The following CFAP54 variants were observed in gnomAD, a reference collection of about 807,000 sequenced individuals.
CFAP54 encodes cilia- and flagella-associated protein 54.
In CFAP54, 290 loss-of-function variants were observed where a neutral mutation model predicts 370.4. That is an observed-to-expected ratio of 0.78 (90% CI 0.71 to 0.86). The LOEUF (loss-of-function observed/expected upper bound fraction) is 0.86. CFAP54 is among the 40% of genes least tolerant of loss of function. CFAP54 has a pLI of 0.00. For synonymous variants in CFAP54, 1,206 were observed against 1,236.5 expected (o/e 0.98, Z 0.52); for missense variants, 3,399 against 3,528.7 (o/e 0.96, Z 0.93).
At chr12:96,752,823 G>A (rs1958203606) in intron 55 of CFAP54, among the ~76,000 whole-genome samples, 1 of 152,194 alleles carries the variant, frequency 6.6e-6, no homozygotes, top group African/African-American at 2.4e-5. Context: ...ATAGTGCAAT[G>A]TTGTAGTTTA....
intron 64 of CFAP54, among the ~76,000 whole-genome samples, chr12:96,816,425 T>C (rs1958975331): frequency 6.6e-6 from 1 of 152,244 alleles, no homozygotes; most frequent in African/African-American, 2.4e-5. Flanking sequence ...AAGTAAACTT[T>C]AACAACAAAT....
chr12:96,594,367 C>G lies in CFAP54; in HGVS notation c.3437C>G (p.Ala1146Gly). Residue 1146 changes from alanine to glycine, a missense_variant, in exon 25 of 68, where the codon GCC becomes GGC. Ala to Gly is a moderately conservative substitution (Grantham distance 60). Around this residue, in one of 3 missense-constraint regions of CFAP54, gnomAD observed 2,796 missense variants for 2,869.7 expected, o/e 0.97. Transcript: ENST00000524981. ...LSNFLNDSSY[A>G]LQAVTQCYGL... Reference sequence around the variant, plus strand: ...AACTTCCTAAATGATTCCAGCTATGCCCTTCAAGCTGTGACTCAATGTTAT... The same window carrying G: ...AACTTCCTAAATGATTCCAGCTATGGCCTTCAAGCTGTGACTCAATGTTAT... 6.5e-7 allele frequency: 1 copy of G among 1,533,758 alleles called. No individual in the cohort carries two copies. The highest frequency in any genetic ancestry group is 8.7e-7 in the Non-Finnish European group (1 of 1,144,996).
At chr12:96,701,367 A>C (rs1169709791) in intron 46 of CFAP54, among the ~76,000 whole-genome samples, 1 of 152,124 alleles carries the variant, frequency 6.6e-6, no homozygotes, top group Non-Finnish European at 1.5e-5. Flanking sequence ...TAGTTAAAAA[A>C]ATATTTTTTG....
chr12:96,540,935 T>G lies in CFAP54; in HGVS notation c.2025T>G (p.Ser675Arg). 6.6e-7 allele frequency: 1 copy of G among 1,520,076 alleles called. No homozygotes were observed. Among genetic ancestry groups the G allele is most frequent in the African/African-American group, 1.4e-5 (1 of 72,570 alleles). The allele number at this position is 1,520,076 out of a possible 1,614,324, so 94.2% of individuals were successfully genotyped here. The change falls in exon 14 of 68, where the codon AGT becomes AGG. Residue 675 changes from serine to arginine, a missense_variant. Ser to Arg is a moderately radical substitution (Grantham distance 110). Transcript: ENST00000524981. ...VVVAEVTLRL[S>R]EILESLGSPG... ...TGGCAGAAGTCACATTACGGTTAAG[T>G]GAAATATTGGAATCTTTAGGAAGCC...
intron 15 of CFAP54, among the ~76,000 whole-genome samples, chr12:96,553,127 C>A (rs550263146): frequency 3.3e-5 from 5 of 152,132 alleles, no homozygotes; most frequent in Non-Finnish European, 7.4e-5. Context: ...CCTATCTTGG[C>A]TCTTTCATGC....
chr12:96,750,090 A>AGGTCCTG (rs1374014615), intron 55 of CFAP54, among the ~76,000 whole-genome samples: 137 of 152,372 alleles, frequency 9.0e-4, no homozygotes, highest in African/African-American at 3.0e-3. Context: ...TGGAAAACCA[A>AGGTCCTG]GAAGGCAGCC....
At chr12:96,512,325 A>ATATATATATATATATATG (rs1955180480) in intron 4 of CFAP54, among the ~76,000 whole-genome samples, 2 of 34,946 alleles carry the variant, frequency 5.7e-5, no homozygotes, top group East Asian at 5.5e-4. Flanking sequence ...ATATATATAT[A>ATATATATATATATATATG]TATATATATA....
chr12:96,815,767 G>T (rs1958968578), intron 64 of CFAP54, among the ~76,000 whole-genome samples: 1 of 152,144 alleles, frequency 6.6e-6, no homozygotes, highest in South Asian at 2.1e-4. Context: ...TCCAGTTTCA[G>T]TTTTCTGCAT....
At position 96,647,276 on chromosome 12, in the gene CFAP54, A is replaced by G. The variant is rs146912666; in HGVS notation, c.4548-599A>G. The G allele has an allele frequency of 7.7e-3, 1,165 of 152,164 alleles. 12 individuals are homozygous for G. Among genetic ancestry groups the G allele is most frequent in the Middle Eastern group, 0.02 (6 of 296 alleles). 9.4% of individuals were successfully genotyped at this position (152,164 alleles called of 1,614,324 possible). ...ATCATGAGGTCAGGAGATCGAGACC[A>G]TCCTGGCTAACACGCTGAAACACTG... On this transcript the variant is annotated intron_variant, in intron 33 of 67. Transcript: ENST00000524981.
rs1592720428 is a variant in CFAP54 at position 96,711,600 on chromosome 12, A to G, written c.6724+2797A>G. 2.0e-5 allele frequency among the ~76,000 whole-genome samples: 3 copies of G among 152,344 alleles called. No homozygotes were observed. The East Asian group carries it at 5.8e-4, about 29-fold the overall frequency. On this transcript the variant is annotated intron_variant, in intron 48 of 67. Coordinates refer to ENST00000524981, the MANE Select transcript of CFAP54 (RefSeq NM_001306084.2). ...ACAGGCAGAGGGAAGAGAAGTAGTC[A>G]TCTTTCTCCAAATACCACAGACTTG...
chr12:96,849,425 G>C (rs1565760321), intron 66 of CFAP54, among the ~76,000 whole-genome samples: 1 of 152,128 alleles, frequency 6.6e-6, no homozygotes, highest in Non-Finnish European at 1.5e-5. Context: ...TTTGGTCATG[G>C]AACGCTTAGA....
At chr12:96,799,726 T>C (rs1222542047) in intron 63 of CFAP54, among the ~76,000 whole-genome samples, 4 of 152,232 alleles carry the variant, frequency 2.6e-5, no homozygotes, top group Non-Finnish European at 5.9e-5. Flanking sequence ...ATATTCCATA[T>C]ACATTTAAAA....
intron 62 of CFAP54, among the ~76,000 whole-genome samples, chr12:96,791,581 G>A (rs751340083): frequency 2.0e-5 from 3 of 152,152 alleles, no homozygotes; most frequent in African/African-American, 4.8e-5. Flanking sequence ...TACAGCAATG[G>A]ATTTTAGACT....
chr12:96,811,952 C>T (rs1008989585), intron 64 of CFAP54, 110 bp downstream of exon 64: 4 of 581,856 alleles, frequency 6.9e-6, no homozygotes, highest in East Asian at 3.2e-5. Context: ...AAAGGCACTT[C>T]GCGAAGAATC....
At chr12:96,588,373 A>G (rs142555722) in intron 22 of CFAP54, among the ~76,000 whole-genome samples, 1,913 of 152,284 alleles carry the variant, frequency 0.013, 23 homozygotes, top group Middle Eastern at 0.017. Context: ...CTCCTTTTCT[A>G]AAGCCTCTGC....
intron 35 of CFAP54, 86 bp from the exon 36 acceptor site, chr12:96,651,502 A>G: frequency 1.9e-6 from 2 of 1,054,804 alleles, no homozygotes; most frequent in Non-Finnish European, 1.4e-6. Context: ...TACTATTGAC[A>G]CATAATATTT....
chr12:96,583,791 G>A (rs1158532952), intron 22 of CFAP54, among the ~76,000 whole-genome samples: 1 of 152,096 alleles, frequency 6.6e-6, no homozygotes, highest in Non-Finnish European at 1.5e-5. Flanking sequence ...GTCATGTATT[G>A]GACACCTAAC....
At chr12:96,744,275 A>G in intron 55 of CFAP54, 129 bp downstream of exon 55, 1 of 818,312 alleles carries the variant, frequency 1.2e-6, no homozygotes, top group Non-Finnish European at 1.9e-6. Context: ...CCATTTATTT[A>G]ACCAATAGTT....
chr12:96,772,450 A>G lies in CFAP54; in HGVS notation c.8281+7232A>G, dbSNP rs374583581. 3.2e-4 allele frequency among the ~76,000 whole-genome samples: 48 copies of G among 152,256 alleles called. No homozygotes were observed. The South Asian group carries it at 8.7e-3, about 28-fold the overall frequency. On this transcript the variant is annotated intron_variant, in intron 60 of 67. Transcript: ENST00000524981. ...TTATCTTCCAAGCCAGCAGCGTAGCATCTCCAAATCTCTCTGACCCGAAAC... is the reference window on the plus strand; with the variant it reads ...TTATCTTCCAAGCCAGCAGCGTAGCGTCTCCAAATCTCTCTGACCCGAAAC...
Sources: allele counts gnomAD v4.1 joint callset (sites outside exome capture counted in the v4.1 genomes callset), GRCh38; gene constraint gnomAD v4.1.1; regional missense constraint gnomAD v4.1.1; transcripts MANE v1.5; gene names NCBI Gene and HGNC (gene_info 2026-07-23, HGNC 2026-07-21).